PDZRN3: variants seen among roughly 807,000 people sequenced by gnomAD.
PDZRN3 encodes PDZ domain containing ring finger 3.
In PDZRN3, 38 loss-of-function variants were observed where a neutral mutation model predicts 85.7. That is an observed-to-expected ratio of 0.44 (90% CI 0.34 to 0.58). PDZRN3 has a LOEUF of 0.58. PDZRN3 is among the 20% of genes least tolerant of loss of function. PDZRN3 has a pLI of 0.01. For synonymous variants in PDZRN3, 759 were observed against 638.0 expected, an observed-to-expected ratio of 1.19 and a Z score of -2.86; for missense variants, 1,629 against 1,506.4, an observed-to-expected ratio of 1.08 and a Z score of -1.35.
In PDZRN3 at chr3:73,624,126, C is replaced by G. The variant is rs979043526; in HGVS notation, c.700G>C (p.Val234Leu). Residue 234 changes from valine (V) to leucine (L), a missense_variant, in exon 1 of 10, where the codon GTG (valine) becomes CTG (leucine). Physicochemically the swap from Val to Leu is conservative, Grantham distance 32. Transcript: ENST00000263666. ...ACCTTGCCGCCGGGCGGCGCGGCCA[C>G]GCAGCGGCTGAGCGAGTCGAGGCGC... The part of the protein sequence containing the change: ...SARLDSLSRC[V>L]AAPPGGKGEE... 23 of 1,473,006 alleles carry G rather than the reference C, an allele frequency of 1.6e-5. No individual in the cohort carries two copies. Among genetic ancestry groups the G allele is most frequent in the Admixed American group, 1.2e-4 (5 of 40,688 alleles). 91.2% of individuals were successfully genotyped at this position (1,473,006 alleles called of 1,614,324 possible).
At chr3:73,501,627 C>T (rs1000198401) in intron 3 of PDZRN3, among the ~76,000 whole-genome samples, 2 of 152,214 alleles carry the variant, frequency 1.3e-5, no homozygotes, top group Non-Finnish European at 2.9e-5. Context: ...GCGAGGCTCT[C>T]AGGGTGTCAA....
At chr3:73,476,549 C>A (rs561345963) in intron 3 of PDZRN3, among the ~76,000 whole-genome samples, 2 of 152,192 alleles carry the variant, frequency 1.3e-5, no homozygotes, top group Admixed American at 1.3e-4. Context: ...TGTTCCCACA[C>A]TGTCCCAAGG....
chr3:73,433,158 G>A (rs1702465163), intron 3 of PDZRN3, among the ~76,000 whole-genome samples: 1 of 152,170 alleles, frequency 6.6e-6, no homozygotes, highest in South Asian at 2.1e-4. Context: ...GTACCAATTT[G>A]AACCATATGT....
At chr3:73,570,813 G>A (rs952122294) in intron 3 of PDZRN3, among the ~76,000 whole-genome samples, 1 of 152,134 alleles carries the variant, frequency 6.6e-6, no homozygotes, top group Non-Finnish European at 1.5e-5. Flanking sequence ...GAGGTCCCCA[G>A]ACTCTGTAAC....
At position 73,411,264 on chromosome 3, in the gene PDZRN3, A is replaced by G. The variant is rs147719446; in HGVS notation, c.919-6869T>C. 1.3e-3 allele frequency among the ~76,000 whole-genome samples: 192 copies of G among 152,352 alleles called. 1 individual carries two copies. The highest frequency in any genetic ancestry group is 8.3e-3 in the East Asian group (43 of 5,180). ...CTCTCCTGCTGTCTCTGGTTTCTGC[A>G]CTGCAAGTGACAAGGTGGGGCCATT... On this transcript the variant is annotated intron_variant, in intron 3 of 9. Coordinates refer to ENST00000263666, the MANE Select transcript of PDZRN3 (RefSeq NM_015009.3).
chr3:73,385,066 GACC>G (rs1701337053), intron 9 of PDZRN3, 136 bp from the exon 10 acceptor site: 1 of 992,310 alleles, frequency 1.0e-6, no homozygotes, highest in Non-Finnish European at 1.5e-6. Context: ...CTGACAGTAG[GACC>G]ACGTCAATAG....
rs755730629 is a variant in PDZRN3, at chr3:73,384,050, T to C, written c.2516A>G (p.Glu839Gly). The C allele has an allele frequency of 1.4e-5, 22 of 1,606,166 alleles. No homozygotes were observed. Among genetic ancestry groups the C allele is most frequent in the Non-Finnish European group, 1.9e-5 (22 of 1,176,624 alleles). Residue 839 changes from glutamate (E) to glycine (G), a missense_variant, in exon 10 of 10, where the codon GAG becomes GGG. Physicochemically the swap from Glu to Gly is moderately conservative, Grantham distance 98. Transcript: ENST00000263666. ...CCGGCTCCCGTCGCTGGCTCTCCGC[T>C]CTTTGCTTTCCAGGGGCTGGTTGGG... is the stretch of plus-strand genomic sequence containing the variant. ...LDPNQPLESK[E>G]RRASDGSRSP... is the part of the protein sequence containing the mutation.
At chr3:73,431,214 A>G (rs17011127) in intron 3 of PDZRN3, among the ~76,000 whole-genome samples, 4,705 of 152,238 alleles carry the variant, frequency 0.031, 240 homozygotes, top group African/African-American at 0.11. Context: ...TGACCAGGCA[A>G]CTTTATGTGG....
intron 3 of PDZRN3, among the ~76,000 whole-genome samples, chr3:73,578,195 G>A (rs1209324865): frequency 3.0e-4 from 40 of 132,884 alleles, no homozygotes; most frequent in African/African-American, 6.7e-4. Context: ...ACGGAGTCTC[G>A]CTCTGTTGCC....
intron 3 of PDZRN3, among the ~76,000 whole-genome samples, chr3:73,411,979 CA>C (rs1048074554): frequency 4.6e-5 from 7 of 152,176 alleles, no homozygotes; most frequent in African/African-American, 1.7e-4. Flanking sequence ...GTTTCGCAGA[CA>C]AAAACGAGAG....
At chr3:73,413,671 C>A (rs12053829) in intron 3 of PDZRN3, among the ~76,000 whole-genome samples, 15 of 151,990 alleles carry the variant, frequency 9.9e-5, no homozygotes, top group Admixed American at 9.8e-4. Context: ...GGCTGTAAAG[C>A]AAAGGAGGCC....
intron 5 of PDZRN3, among the ~76,000 whole-genome samples, chr3:73,396,516 T>A (rs1180456619): frequency 6.6e-6 from 1 of 152,120 alleles, no homozygotes; most frequent in Non-Finnish European, 1.5e-5. Context: ...AAGAAAAAAA[T>A]TCTAGACTGG....
At chr3:73,575,873 A>T (rs1215098232) in intron 3 of PDZRN3, among the ~76,000 whole-genome samples, 1 of 152,202 alleles carries the variant, frequency 6.6e-6, no homozygotes, top group Admixed American at 6.5e-5. Context: ...ATATTACCTA[A>T]GCAGTAAGCC....
At chr3:73,397,017 A>ATTTCTTTCTTCTT (rs1359986841) in intron 5 of PDZRN3, among the ~76,000 whole-genome samples, 1 of 149,690 alleles carries the variant, frequency 6.7e-6, no homozygotes, top group South Asian at 2.1e-4. Flanking sequence ...TTTTTCTTTT[A>ATTTCTTTCTTCTT]TTTCTTTCTT....
At chr3:73,554,914 T>C (rs1701655472) in intron 3 of PDZRN3, among the ~76,000 whole-genome samples, 1 of 152,208 alleles carries the variant, frequency 6.6e-6, no homozygotes, top group South Asian at 2.1e-4. Flanking sequence ...TAATAACAAT[T>C]AGATTTTTCT....
At chr3:73,416,820 C>T (rs1481430101) in intron 3 of PDZRN3, among the ~76,000 whole-genome samples, 1 of 150,778 alleles carries the variant, frequency 6.6e-6, no homozygotes, top group African/African-American at 2.4e-5. Flanking sequence ...ATTAAAAAAT[C>T]CAAACCATAT....
intron 4 of PDZRN3, chr3:73,401,231 A>C: frequency 4.1e-6 from 2 of 488,778 alleles, no homozygotes; most frequent in Non-Finnish European, 3.7e-6. Flanking sequence ...TTAAGATGCA[A>C]AGTGCAAGCC....
chr3:73,518,392 T>C (rs2106722284), intron 3 of PDZRN3, among the ~76,000 whole-genome samples: 1 of 152,198 alleles, frequency 6.6e-6, no homozygotes, highest in Admixed American at 6.5e-5. Flanking sequence ...CAGTTTTGGT[T>C]TGAGATGATA....
At chr3:73,479,233 A>G (rs929795957) in intron 3 of PDZRN3, among the ~76,000 whole-genome samples, 1 of 152,160 alleles carries the variant, frequency 6.6e-6, no homozygotes, top group Admixed American at 6.5e-5. Flanking sequence ...TGCCACTCTG[A>G]GCATCCATGC....
Sources: allele counts gnomAD v4.1 joint callset (sites outside exome capture counted in the v4.1 genomes callset), GRCh38; gene constraint gnomAD v4.1.1; transcripts MANE v1.5; gene names NCBI Gene and HGNC (gene_info 2026-07-23, HGNC 2026-07-21).